Variants in PPIP5K2 observed in about 807,000 individuals in gnomAD.
PPIP5K2 encodes the protein inositol hexakisphosphate and diphosphoinositol-pentakisphosphate kinase 2.
In PPIP5K2, 105 loss-of-function variants were observed where a neutral mutation model predicts 154.6. That is an observed-to-expected ratio of 0.68 (90% CI 0.58 to 0.80). The LOEUF is 0.80. PPIP5K2 is among the 30% of genes least tolerant of loss of function. The pLI is 0.00. For missense variants in PPIP5K2, 992 were observed against 1,504.6 expected, an observed-to-expected ratio of 0.66 and a Z score of 5.64; for synonymous variants, 480 against 490.3, an observed-to-expected ratio of 0.98 and a Z score of 0.28.
In PPIP5K2 at chr5:103,138,597, C is replaced by A. The variant is rs150102989; in HGVS notation, c.487+128C>A. 3.2e-4 allele frequency: 165 copies of A among 508,232 alleles called. 1 individual carries two copies. Among genetic ancestry groups the A allele is most frequent in the African/African-American group, 3.0e-3 (152 of 49,980 alleles). The allele number at this position is 508,232 out of a possible 1,614,324, so 31.5% of individuals were successfully genotyped here. Reference sequence around the variant, plus strand: ...ATTCTATTCCATTTTAAAAAATAATCTAAACAGACAAACATATTCAATTAA... The same window carrying A: ...ATTCTATTCCATTTTAAAAAATAATATAAACAGACAAACATATTCAATTAA... On this transcript the variant is annotated intron_variant, in intron 5 of 30. Coordinates refer to ENST00000358359, the MANE Select transcript of PPIP5K2 (RefSeq NM_001276277.3).
rs1230594416 is a variant in PPIP5K2 at position 103,204,639 on chromosome 5, A to G, written c.*3005A>G. ...GGAATAATTTTTACACTCCTTCAGAAGGAGTCATTTGTGATTGGAGTCCAC... is the reference window on the plus strand; with the variant it reads ...GGAATAATTTTTACACTCCTTCAGAGGGAGTCATTTGTGATTGGAGTCCAC... On this transcript the variant is annotated 3_prime_UTR_variant, in exon 31 of 31. Coordinates refer to ENST00000358359, the MANE Select transcript of PPIP5K2 (RefSeq NM_001276277.3). The G allele has an allele frequency of 6.6e-6, 1 of 152,136 alleles. No individual in the cohort carries two copies. The highest frequency in any genetic ancestry group is 1.5e-5 in the Non-Finnish European group (1 of 68,034). 9.4% of individuals were successfully genotyped at this position (152,136 alleles called of 1,614,324 possible).
chr5:103,186,245 A>G (rs1800357822), intron 26 of PPIP5K2, 75 bp from the exon 27 acceptor site: 3 of 1,589,432 alleles, frequency 1.9e-6, no homozygotes, highest in Non-Finnish European at 2.6e-6. Flanking sequence ...AGCCATGTTA[A>G]TTGCATGCTG....
chr5:103,123,756 A>G (rs1350488406), intron 1 of PPIP5K2, among the ~76,000 whole-genome samples: 2 of 152,224 alleles, frequency 1.3e-5, no homozygotes, highest in African/African-American at 4.8e-5. Flanking sequence ...GACCACTGCT[A>G]TAGAAGGAAT....
chr5:103,187,637 C>T (rs1554225625), intron 28 of PPIP5K2, among the ~76,000 whole-genome samples: 1 of 152,030 alleles, frequency 6.6e-6, no homozygotes, highest in Non-Finnish European at 1.5e-5. Context: ...TAAATTAACA[C>T]CTGAAAATTT....
At chr5:103,173,343 A>G in intron 20 of PPIP5K2, 61 bp downstream of exon 20, 1 of 1,538,932 alleles carries the variant, frequency 6.5e-7, no homozygotes, top group Non-Finnish European at 8.8e-7. Flanking sequence ...CTTCAAATTT[A>G]AATTATACTT....
intron 10 of PPIP5K2, among the ~76,000 whole-genome samples, chr5:103,153,495 A>G (rs1794948072): frequency 6.6e-6 from 1 of 151,910 alleles, no homozygotes; most frequent in Non-Finnish European, 1.5e-5. Flanking sequence ...TTTTGATTTA[A>G]TGAAGTCTCA....
In PPIP5K2 at chr5:103,187,216, T is replaced by C. The variant is rs1800525438; in HGVS notation, c.3290-98T>C. On this transcript the variant is annotated intron_variant, in intron 27 of 30. Transcript: ENST00000358359. Reference sequence around the variant, plus strand: ...CTCATTGTCCCTTCTGCATGTCACCTTTCTAACCTCCTCATATATTTGTTT... The same window carrying C: ...CTCATTGTCCCTTCTGCATGTCACCCTTCTAACCTCCTCATATATTTGTTT... 3 of 897,882 alleles carry C rather than the reference T, an allele frequency of 3.3e-6. No individual in the cohort carries two copies. In the East Asian group the frequency reaches 8.0e-5, roughly 24 times the overall value. 55.6% of individuals were successfully genotyped at this position (897,882 alleles called of 1,614,324 possible).
At chr5:103,142,884 A>T (rs1446798748) in intron 5 of PPIP5K2, among the ~76,000 whole-genome samples, 1 of 152,208 alleles carries the variant, frequency 6.6e-6, no homozygotes, top group Non-Finnish European at 1.5e-5. Flanking sequence ...GTGGTGTACA[A>T]ACCTCTTATA....
rs1261969025 is a variant in PPIP5K2, at chr5:103,202,547, C to T, written c.*913C>T. On this transcript the variant is annotated 3_prime_UTR_variant, in exon 31 of 31. Coordinates refer to ENST00000358359, the MANE Select transcript of PPIP5K2 (RefSeq NM_001276277.3). ...ATTATGTATAGCATCTGTTTTTAACCATTTCCATTCTTATCCCTAGTGTAT... is the reference window on the plus strand; with the variant it reads ...ATTATGTATAGCATCTGTTTTTAACTATTTCCATTCTTATCCCTAGTGTAT... 1 of 152,058 alleles carries T rather than the reference C, an allele frequency of 6.6e-6. No homozygotes were observed. Among genetic ancestry groups the T allele is most frequent in the South Asian group, 2.1e-4 (1 of 4,820 alleles). The allele number at this position is 152,058 out of a possible 1,614,324, so 9.4% of individuals were successfully genotyped here.
At position 103,202,574 on chromosome 5, in the gene PPIP5K2, A is replaced by C. The variant is rs1326106450; in HGVS notation, c.*940A>C. The C allele has an allele frequency of 1.3e-5, 2 of 152,184 alleles. No homozygotes were observed. Among genetic ancestry groups the C allele is most frequent in the Non-Finnish European group, 2.9e-5 (2 of 68,014 alleles). The allele number at this position is 152,184 out of a possible 1,614,324, so 9.4% of individuals were successfully genotyped here. ...TTTCCATTCTTATCCCTAGTGTATCAGTTGATCACACTAAGAAAGCTTAAA... is the reference window on the plus strand; with the variant it reads ...TTTCCATTCTTATCCCTAGTGTATCCGTTGATCACACTAAGAAAGCTTAAA... On this transcript the variant is annotated 3_prime_UTR_variant, in exon 31 of 31. Coordinates refer to ENST00000358359, the MANE Select transcript of PPIP5K2 (RefSeq NM_001276277.3).
Position 103,201,597 on chromosome 5 carries a change from C to T in PPIP5K2, c.3695C>T (p.Thr1232Met), listed in dbSNP as rs17155147. Residue 1232 changes from threonine to methionine, a missense_variant, in exon 31 of 31, where the codon ACG (threonine) becomes ATG (methionine). Coordinates refer to ENST00000358359, the MANE Select transcript of PPIP5K2 (RefSeq NM_001276277.3). ...RKKNITSKTE[T>M]HEHKKNTGKK... Reference sequence around the variant, plus strand: ...AAGAATATAACTAGCAAAACAGAAACGCATGAACACAAAAAAAACACTGGG... The same window carrying T: ...AAGAATATAACTAGCAAAACAGAAATGCATGAACACAAAAAAAACACTGGG... The T allele has an allele frequency of 0.041, 65,791 of 1,605,666 alleles. 1,481 individuals carry two copies. The highest frequency in any genetic ancestry group is 0.045 in the Non-Finnish European group (53,432 of 1,175,944).
At chr5:103,146,758 A>G in intron 6 of PPIP5K2, 77 bp downstream of exon 6, 2 of 1,245,996 alleles carry the variant, frequency 1.6e-6, no homozygotes, top group Admixed American at 2.5e-5. Context: ...TCAAGCATTT[A>G]ATTACCGTTA....
In PPIP5K2 at chr5:103,209,953, CAA is replaced by C. The variant is rs1222825281; in HGVS notation, c.*8322_*8323del. ...TGATTTGTCCAACAATGCCTGTACT[CAA>C]AAGTCATGACAATAAAATGAGACCT... On this transcript the variant is annotated 3_prime_UTR_variant, in exon 31 of 31. Transcript: ENST00000358359. 6.6e-6 allele frequency: 1 copy of C among 152,016 alleles called. No individual in the cohort carries two copies. Among genetic ancestry groups the C allele is most frequent in the Non-Finnish European group, 1.5e-5 (1 of 68,004 alleles). The allele number at this position is 152,016 out of a possible 1,614,324, so 9.4% of individuals were successfully genotyped here. A position where few individuals can be genotyped will look rare whatever the true frequency, so the allele number is the denominator to read the frequency against.
rs1554232225 is a variant in PPIP5K2, at chr5:103,206,389, T to TA, written c.*4757dup. ...AAGTTCTGTCCCAATCCTGGAATAT[T>TA]AATATTAAGCCATCTACTTCAGTGT... On this transcript the variant is annotated 3_prime_UTR_variant, in exon 31 of 31. Coordinates refer to ENST00000358359, the MANE Select transcript of PPIP5K2 (RefSeq NM_001276277.3). 1 of 152,186 alleles carries TA rather than the reference T, an allele frequency of 6.6e-6. No individual in the cohort carries two copies. The highest frequency in any genetic ancestry group is 1.9e-4 in the East Asian group (1 of 5,202). 9.4% of individuals were successfully genotyped at this position (152,186 alleles called of 1,614,324 possible).
rs782424236 is a variant in PPIP5K2, at chr5:103,151,331, A to G, written c.985A>G (p.Lys329Glu). The part of the protein sequence containing the change: ...VCDVNGFSFV[K>E]NSMKYYDDCA... ...TGATGTCAATGGCTTCAGTTTTGTG[A>G]AAAATTCCATGAAGTATTATGATGA... The change falls in exon 9 of 31, where the codon AAA (lysine) becomes GAA (glutamate). Residue 329 changes from lysine (K) to glutamate (E), a missense_variant. Lys to Glu is a moderately conservative substitution (Grantham distance 56, BLOSUM62 1). Transcript: ENST00000358359. 1 of 1,611,302 alleles carries G rather than the reference A, an allele frequency of 6.2e-7. No individual in the cohort carries two copies. Among genetic ancestry groups the G allele is most frequent in the African/African-American group, 1.3e-5 (1 of 74,952 alleles).
intron 29 of PPIP5K2, among the ~76,000 whole-genome samples, chr5:103,193,528 G>A (rs1801592103): frequency 6.6e-6 from 1 of 151,724 alleles, no homozygotes. Flanking sequence ...AAAAGGAGTA[G>A]GTATATTAAT....
intron 29 of PPIP5K2, among the ~76,000 whole-genome samples, chr5:103,193,970 C>G (rs1801664492): frequency 6.6e-6 from 1 of 152,170 alleles, no homozygotes; most frequent in African/African-American, 2.4e-5. Context: ...AAAGACTCAA[C>G]TTTAAAATTC....
At chr5:103,175,096 G>A (rs879993506) in intron 21 of PPIP5K2, among the ~76,000 whole-genome samples, 16 of 152,048 alleles carry the variant, frequency 1.1e-4, no homozygotes, top group Admixed American at 2.6e-4. Flanking sequence ...ATCTGTGCAC[G>A]TCTGTGTAGA....
At chr5:103,150,498 C>T (rs565890130) in intron 8 of PPIP5K2, among the ~76,000 whole-genome samples, 43 of 152,130 alleles carry the variant, frequency 2.8e-4, no homozygotes, top group African/African-American at 8.7e-4. Context: ...TTCGACTGGG[C>T]GTGGTGGCTC....
Sources: allele counts gnomAD v4.1 joint callset (sites outside exome capture counted in the v4.1 genomes callset), GRCh38; gene constraint gnomAD v4.1.1; transcripts MANE v1.5; gene names NCBI Gene and HGNC (gene_info 2026-07-23, HGNC 2026-07-21).